FAM110B: variants seen among roughly 807,000 people sequenced by gnomAD.
FAM110B encodes the protein protein FAM110B.
A neutral mutation model predicts 20.4 loss-of-function variants in FAM110B; 6 were observed. The observed-to-expected ratio is 0.29, with a 90% CI of 0.16 to 0.58. The LOEUF is 0.58. Ranked by LOEUF, FAM110B falls within the 20% of genes least tolerant of loss-of-function variation. The probability of loss-of-function intolerance (pLI) is 0.90; values close to 1 mark genes in which losing one functional copy is unlikely to be tolerated. For missense variants in FAM110B, 434 were observed against 498.2 expected, an observed-to-expected ratio of 0.87 and a Z score of 1.23; for synonymous variants, 226 against 214.1, an observed-to-expected ratio of 1.06 and a Z score of -0.49.
chr8:58,040,939 T>A (rs1805202871), intron 2 of FAM110B, among the ~76,000 whole-genome samples: 1 of 125,592 alleles, frequency 8.0e-6, no homozygotes, highest in Non-Finnish European at 1.7e-5. Context: ...GAAAATCTTT[T>A]TTTTTTTTTT....
chr8:58,113,092 G>A (rs924748827), intron 3 of FAM110B: 7 of 152,126 alleles, frequency 4.6e-5, no homozygotes, highest in African/African-American at 1.7e-4. Context: ...CATTCATGGG[G>A]GGGGGCTCTG....
chr8:58,139,964 A>G (rs1343770418), intron 3 of FAM110B, among the ~76,000 whole-genome samples: 1 of 152,156 alleles, frequency 6.6e-6, no homozygotes, highest in Non-Finnish European at 1.5e-5. Flanking sequence ...TCTAAATAAA[A>G]TGGATAAAGG....
intron 3 of FAM110B, among the ~76,000 whole-genome samples, chr8:58,077,738 G>A (rs543070895): frequency 1.6e-4 from 25 of 152,278 alleles, no homozygotes; most frequent in African/African-American, 5.5e-4. Flanking sequence ...AGAGAAGACA[G>A]TGAGTTACCT....
At chr8:58,140,503 C>T (rs1451881035) in intron 3 of FAM110B, among the ~76,000 whole-genome samples, 2 of 152,194 alleles carry the variant, frequency 1.3e-5, no homozygotes, top group African/African-American at 4.8e-5. Context: ...GGGCGGTGCT[C>T]AGAGCCCAGC....
intron 2 of FAM110B, among the ~76,000 whole-genome samples, chr8:58,037,690 A>G (rs1302665409): frequency 1.3e-5 from 2 of 152,106 alleles, no homozygotes; most frequent in Non-Finnish European, 2.9e-5. Flanking sequence ...CATGATGATG[A>G]AATTCTTTTT....
chr8:58,135,840 GAGGTGTGGGAACTCAC>G (rs1803598084), intron 3 of FAM110B, among the ~76,000 whole-genome samples: 1 of 152,070 alleles, frequency 6.6e-6, no homozygotes, highest in Non-Finnish European at 1.5e-5. Context: ...TCGCTGAGAT[GAGGTGTGGGAACTCAC>G]AGCACAAAGA....
At chr8:58,140,585 C>T (rs1044129039) in intron 3 of FAM110B, among the ~76,000 whole-genome samples, 8 of 152,198 alleles carry the variant, frequency 5.3e-5, no homozygotes, top group East Asian at 1.9e-4. Flanking sequence ...CTCATCCTGT[C>T]CCCATACTGC....
At chr8:58,132,660 G>A (rs1803504235) in intron 3 of FAM110B, among the ~76,000 whole-genome samples, 1 of 152,166 alleles carries the variant, frequency 6.6e-6, no homozygotes. Context: ...ACCCTGCCTG[G>A]CATGAGGTCT....
intron 3 of FAM110B, among the ~76,000 whole-genome samples, chr8:58,093,382 G>A (rs1369719129): frequency 6.6e-6 from 1 of 152,096 alleles, no homozygotes; most frequent in Non-Finnish European, 1.5e-5. Flanking sequence ...TATGGTGTTA[G>A]GTCTTACATT....
chr8:58,125,559 CA>C (rs1187039525), intron 3 of FAM110B, among the ~76,000 whole-genome samples: 1 of 151,958 alleles, frequency 6.6e-6, no homozygotes, highest in Non-Finnish European at 1.5e-5. Flanking sequence ...ACTTTTTGTT[CA>C]AAAAGAGACT....
intron 3 of FAM110B, among the ~76,000 whole-genome samples, chr8:58,131,711 G>A (rs1419481624): frequency 2.6e-5 from 4 of 152,170 alleles, no homozygotes. Flanking sequence ...TTGATTGATT[G>A]CCATATATGT....
intron 3 of FAM110B, among the ~76,000 whole-genome samples, chr8:58,079,533 T>G (rs2150596024): frequency 6.6e-6 from 1 of 152,232 alleles, no homozygotes. Flanking sequence ...TCGCAGCACT[T>G]TTGGAGGCTG....
chr8:58,121,110 T>A (rs1807349217), intron 3 of FAM110B, among the ~76,000 whole-genome samples: 1 of 152,204 alleles, frequency 6.6e-6, no homozygotes, highest in South Asian at 2.1e-4. Flanking sequence ...GGCAAGTTCA[T>A]GCAGAAAAAT....
rs1220037566 is a variant in FAM110B at position 58,148,232 on chromosome 8, G to C, written c.*889G>C. ...ATGCTATTTCTTTCTCTCTCCCTTT[G>C]TTGTTATTTGATTTGGGGGAAGGGA... On this transcript the variant is annotated 3_prime_UTR_variant, in exon 4 of 4. Transcript: ENST00000519262. 2 of 79,428 alleles carry C rather than the reference G, an allele frequency of 2.5e-5. No homozygotes were observed. Among genetic ancestry groups the C allele is most frequent in the Non-Finnish European group, 5.6e-5 (2 of 35,578 alleles). 4.9% of individuals were successfully genotyped at this position (79,428 alleles called of 1,614,324 possible). A position where few individuals can be genotyped will look rare whatever the true frequency, so the allele number is the denominator to read the frequency against.
chr8:58,026,210 A>G (rs1025319229), intron 1 of FAM110B, among the ~76,000 whole-genome samples: 1 of 152,314 alleles, frequency 6.6e-6, no homozygotes, highest in Non-Finnish European at 1.5e-5. Context: ...TTTCTGCCAT[A>G]GCTAACAGCT....
intron 3 of FAM110B, among the ~76,000 whole-genome samples, chr8:58,135,671 C>T (rs971962180): frequency 1.3e-4 from 20 of 152,164 alleles, no homozygotes; most frequent in Admixed American, 1.3e-3. Context: ...AAAGCAGTAA[C>T]ATGCAAAGTG....
At chr8:58,081,424 CT>C (rs1806188572) in intron 3 of FAM110B, among the ~76,000 whole-genome samples, 1 of 152,136 alleles carries the variant, frequency 6.6e-6, no homozygotes, top group African/African-American at 2.4e-5. Context: ...ATACGCTGGT[CT>C]CGAACTCCTG....
At chr8:58,084,405 T>C (rs1173812498) in intron 3 of FAM110B, among the ~76,000 whole-genome samples, 1 of 151,888 alleles carries the variant, frequency 6.6e-6, no homozygotes, top group Non-Finnish European at 1.5e-5. Flanking sequence ...TTTTTTTTTT[T>C]TTTGAGACGG....
intron 2 of FAM110B, among the ~76,000 whole-genome samples, chr8:58,068,697 G>GA (rs112781164): frequency 6.6e-5 from 10 of 151,862 alleles, no homozygotes; most frequent in African/African-American, 2.4e-4. Flanking sequence ...TAGGAAATAT[G>GA]AAAAAAACCA....
Sources: gnomAD v4.1 joint callset for allele counts (sites outside exome capture counted in the v4.1 genomes callset) on GRCh38, gnomAD v4.1.1 for gene constraint, MANE v1.5 for transcripts, NCBI Gene and HGNC (gene_info 2026-07-23, HGNC 2026-07-21) for gene names.